The following DMD variants were observed in gnomAD, a reference collection of about 807,000 sequenced individuals.
DMD encodes the protein dystrophin.
DMD carries 63 observed loss-of-function variants against 330.1 expected under a neutral mutation model. The ratio of observed to expected loss-of-function variants is 0.19; its 90% confidence interval spans 0.16 to 0.24. The LOEUF (loss-of-function observed/expected upper bound fraction) is 0.24. Ranked by LOEUF, DMD falls within the 10% of genes least tolerant of loss-of-function variation. DMD has a pLI of 1.00. For missense variants in DMD, 3,344 were observed against 2,684.1 expected (o/e 1.25, Z -5.43); for synonymous variants, 1,223 against 959.8 (o/e 1.27, Z -5.07).
intron 44 of DMD, among the ~76,000 whole-genome samples, chrX:31,979,683 C>T (rs1203103532): frequency 8.9e-6 from 1 of 112,004 alleles, no homozygotes; most frequent in Non-Finnish European, 1.9e-5. Flanking sequence ...ATGTTCTGCA[C>T]TTCATATTAG....
At chrX:31,593,601 A>T (rs1249174595) in intron 55 of DMD, among the ~76,000 whole-genome samples, 4 of 110,963 alleles carry the variant, frequency 3.6e-5, no homozygotes, top group Non-Finnish European at 7.6e-5. Flanking sequence ...AAACCCAAAA[A>T]CTATGAAGAA....
intron 62 of DMD, among the ~76,000 whole-genome samples, chrX:31,305,241 C>A (rs982264380): frequency 6.3e-5 from 7 of 111,860 alleles, no homozygotes; most frequent in African/African-American, 2.3e-4. Context: ...CATTACCTCA[C>A]CAACATATCA....
chrX:32,963,858 A>G (rs1400234365), intron 2 of DMD, among the ~76,000 whole-genome samples: 2 of 111,810 alleles, frequency 1.8e-5, no homozygotes, highest in Non-Finnish European at 3.8e-5. Flanking sequence ...AATAAAGATC[A>G]TAATACAGAA....
intron 2 of DMD, among the ~76,000 whole-genome samples, chrX:33,019,026 A>G (rs1393836347): frequency 8.9e-6 from 1 of 112,116 alleles, no homozygotes; most frequent in Non-Finnish European, 1.9e-5. Flanking sequence ...GTTAAATTAA[A>G]GAGTACATGG....
intron 2 of DMD, among the ~76,000 whole-genome samples, chrX:32,953,148 A>G (rs34035399): frequency 0.12 from 12,936 of 107,265 alleles, 678 homozygotes; most frequent in East Asian, 0.26. Context: ...AAAAAAAAAA[A>G]AAGAAGAAGA....
chrX:33,316,202 T>C (rs1334638324), intron 1 of DMD, among the ~76,000 whole-genome samples: 1 of 110,583 alleles, frequency 9.0e-6, no homozygotes, highest in Non-Finnish European at 1.9e-5. Context: ...ATGGGAAAAC[T>C]CAATTAGCTA....
chrX:31,142,188 T>C (rs1395194755), intron 76 of DMD, among the ~76,000 whole-genome samples: 1 of 112,101 alleles, frequency 8.9e-6, no homozygotes, highest in Admixed American at 9.5e-5. Flanking sequence ...TTCTACATTA[T>C]ATAACAGTAT....
At chrX:32,920,220 G>A (rs1321718630) in intron 2 of DMD, among the ~76,000 whole-genome samples, 2 of 111,253 alleles carry the variant, frequency 1.8e-5, no homozygotes, top group Non-Finnish European at 3.8e-5. Flanking sequence ...TCTAACCCAA[G>A]TATTATGTAC....
intron 7 of DMD, among the ~76,000 whole-genome samples, chrX:32,748,345 CAA>C (rs776751298): frequency 8.2e-5 from 4 of 48,560 alleles, no homozygotes; most frequent in Non-Finnish European, 7.8e-5. Context: ...GACTCCGTCT[CAA>C]AAAAAAAAAA....
At chrX:31,145,402 T>C (rs1478525354) in intron 76 of DMD, among the ~76,000 whole-genome samples, 1 of 111,912 alleles carries the variant, frequency 8.9e-6, no homozygotes, top group Non-Finnish European at 1.9e-5. Context: ...ACCTGTGTTA[T>C]AGATTTTATA....
intron 55 of DMD, among the ~76,000 whole-genome samples, chrX:31,585,857 C>T (rs964099490): frequency 9.0e-6 from 1 of 111,312 alleles, no homozygotes; most frequent in African/African-American, 3.3e-5. Context: ...TGTGGAGTCT[C>T]TTCATCTAAA....
rs759732794 is a variant in DMD, at chrX:32,615,216, T to C, written c.1332-763A>G. On this transcript the variant is annotated intron_variant, in intron 11 of 78. Coordinates refer to ENST00000357033, the MANE Select transcript of DMD (RefSeq NM_004006.3). ...ATAAATTGTTTTAACCCATTAAGTT[T>C]GGACGTCATTTGATACACACAAATA... 2.7e-5 allele frequency among the ~76,000 whole-genome samples: 3 copies of C among 111,553 alleles called. No homozygotes were observed. The South Asian group carries it at 1.1e-3, about 42-fold the overall frequency.
intron 29 of DMD, among the ~76,000 whole-genome samples, chrX:32,427,895 A>G (rs183760078): frequency 1.1e-3 from 124 of 111,386 alleles, no homozygotes; most frequent in African/African-American, 3.7e-3. Flanking sequence ...TTCTAAACTT[A>G]TTTGCATAGC....
intron 7 of DMD, among the ~76,000 whole-genome samples, chrX:32,785,034 C>G (rs888177299): frequency 9.1e-6 from 1 of 110,225 alleles, no homozygotes; most frequent in Non-Finnish European, 1.9e-5. Flanking sequence ...GGGCACATAA[C>G]TTTAAAATGC....
rs1433785361 is a variant in DMD at position 31,147,262 on chromosome X, T to C, written c.10797+13A>G. 7 of 1,208,913 alleles carry C rather than the reference T, an allele frequency of 5.8e-6. No homozygotes were observed. Among genetic ancestry groups the C allele is most frequent in the Non-Finnish European group, 7.8e-6 (7 of 894,756 alleles). On this transcript the variant is annotated intron_variant, in intron 75 of 78. Coordinates refer to ENST00000357033, the MANE Select transcript of DMD (RefSeq NM_004006.3). ...AAAATGAATGTTTGTAAAAATCCCATCTCTCTCCTCACTTGCTCCAGCAGC... is the reference window on the plus strand; with the variant it reads ...AAAATGAATGTTTGTAAAAATCCCACCTCTCTCCTCACTTGCTCCAGCAGC...
chrX:33,106,085 A>G (rs761378205), intron 1 of DMD, among the ~76,000 whole-genome samples: 2 of 108,185 alleles, frequency 1.8e-5, no homozygotes, highest in South Asian at 8.2e-4. Flanking sequence ...CACACACACC[A>G]TAGAATACTA....
intron 51 of DMD, among the ~76,000 whole-genome samples, chrX:31,730,632 T>C (rs1156782050): frequency 1.8e-5 from 2 of 111,535 alleles, no homozygotes; most frequent in African/African-American, 6.5e-5. Context: ...ATGAAGAAAT[T>C]TATGAAAAAA....
At chrX:31,682,242 T>A (rs2082421807) in intron 52 of DMD, among the ~76,000 whole-genome samples, 1 of 112,172 alleles carries the variant, frequency 8.9e-6, no homozygotes, top group African/African-American at 3.2e-5. Flanking sequence ...ACTGTTTTTT[T>A]ATCAGGTTTA....
chrX:31,709,148 T>C (rs1222864633), intron 52 of DMD, among the ~76,000 whole-genome samples: 2 of 111,514 alleles, frequency 1.8e-5, no homozygotes, highest in African/African-American at 6.5e-5. Flanking sequence ...GGTACATGTC[T>C]GTAGTCTCAG....
Sources: gnomAD v4.1 joint callset for allele counts (sites outside exome capture counted in the v4.1 genomes callset) on GRCh38, gnomAD v4.1.1 for gene constraint, MANE v1.5 for transcripts, NCBI Gene and HGNC (gene_info 2026-07-23, HGNC 2026-07-21) for gene names.